Variants in BAHCC1 observed in about 807,000 individuals in gnomAD.
BAHCC1 encodes the protein BAH and coiled-coil domain-containing protein 1.
Under a neutral mutation model 88.2 loss-of-function variants are expected in BAHCC1, and 43 were observed. The observed-to-expected ratio is 0.49, with a 90% CI of 0.38 to 0.63. The LOEUF (loss-of-function observed/expected upper bound fraction) is 0.63. BAHCC1 is among the 20% of genes least tolerant of loss of function. BAHCC1 has a pLI of 0.00. For synonymous variants in BAHCC1, 1,510 were observed against 745.5 expected (o/e 2.03, Z -16.71); for missense variants, 3,023 against 1,654.8 (o/e 1.83, Z -14.34).
At chr17:81,414,973 G>A (rs1261010717) in intron 2 of BAHCC1, among the ~76,000 whole-genome samples, 5 of 152,204 alleles carry the variant, frequency 3.3e-5, no homozygotes, top group Non-Finnish European at 7.4e-5. Flanking sequence ...ATCCTCGCCA[G>A]CAGCTGTTAC....
At chr17:81,410,143 G>A in intron 2 of BAHCC1, 1 of 265,416 alleles carries the variant, frequency 3.8e-6, no homozygotes, top group Non-Finnish European at 8.1e-6. Context: ...CAGGAGCACT[G>A]TGGCCGTCCG....
chr17:81,399,858 C>T lies in BAHCC1; in HGVS notation c.119C>T (p.Pro40Leu), dbSNP rs1555645728. The change falls in exon 2 of 28, where the codon CCC becomes CTC. Residue 40 changes from proline to leucine, a missense_variant. Physicochemically the swap from Pro to Leu is moderately conservative, Grantham distance 98 (BLOSUM62 -3). Coordinates refer to ENST00000675386, the MANE Select transcript of BAHCC1 (RefSeq NM_001377448.1). The surrounding 1 kb of genome is among the most constrained non-coding windows in gnomAD (Gnocchi z 4.5). ...CCGGCTGGGCCCGCCGCGCAGCCCCCCGCACACTTCCAGCCGGGAAAGTAC... is the reference window on the plus strand; with the variant it reads ...CCGGCTGGGCCCGCCGCGCAGCCCCTCGCACACTTCCAGCCGGGAAAGTAC... The part of the protein sequence containing the change: ...LAPAGPAAQP[P>L]AHFQPGKYFP... 2.1e-6 allele frequency: 3 copies of T among 1,444,978 alleles called. No homozygotes were observed. In the African/African-American group the frequency reaches 4.5e-5, roughly 21 times the overall value. 89.5% of individuals were successfully genotyped at this position (1,444,978 alleles called of 1,614,324 possible).
At position 81,461,759 on chromosome 17, in the gene BAHCC1, G is replaced by A. The variant is rs782207435; in HGVS notation, c.7096G>A (p.Val2366Met). Residue 2366 changes from valine (V) to methionine (M), a missense_variant, in exon 26 of 28, where the codon GTG (valine) becomes ATG (methionine). By Grantham distance (21) the Val-to-Met change is conservative (BLOSUM62 1). Transcript: ENST00000675386. ...GCTGCAGACCTGCCTCACCCACCCC[G>A]TGCCCACCCTCCTGGCCCAGCCCGA... is the stretch of plus-strand genomic sequence containing the variant. ...LLLQTCLTHP[V>M]PTLLAQPEAL... The A allele has an allele frequency of 1.3e-5, 9 of 717,108 alleles. No homozygotes were observed. Among genetic ancestry groups the A allele is most frequent in the South Asian group, 5.9e-5 (4 of 67,370 alleles). 44.4% of individuals were successfully genotyped at this position (717,108 alleles called of 1,614,324 possible).
chr17:81,456,697 T>C, intron 16 of BAHCC1, 112 bp downstream of exon 16: 1 of 610,598 alleles, frequency 1.6e-6, no homozygotes. Flanking sequence ...TCATGGCTTG[T>C]GGGGTGTGAC....
At chr17:81,409,280 A>G (rs1461532992) in intron 2 of BAHCC1, among the ~76,000 whole-genome samples, 1 of 152,236 alleles carries the variant, frequency 6.6e-6, no homozygotes, top group African/African-American at 2.4e-5. Flanking sequence ...GTCAGAGCCC[A>G]GGGGATTGGC....
At chr17:81,447,967 G>A (rs2064565518) in intron 11 of BAHCC1, 119 bp downstream of exon 11, 5 of 657,814 alleles carry the variant, frequency 7.6e-6, no homozygotes, top group Non-Finnish European at 1.4e-5. Flanking sequence ...CCAAAGTGTG[G>A]TAGGTCCCCT....
rs948711367 is a variant in BAHCC1 at position 81,443,069 on chromosome 17, C to T, written c.1720C>T (p.Leu574=). 9.0e-6 allele frequency: 7 copies of T among 778,150 alleles called. No homozygotes were observed. Among genetic ancestry groups the T allele is most frequent in the Admixed American group, 3.4e-5 (2 of 59,004 alleles). 48.2% of individuals were successfully genotyped at this position (778,150 alleles called of 1,614,324 possible). A position where few individuals can be genotyped will look rare whatever the true frequency, so the allele number is the denominator to read the frequency against. Reference sequence around the variant, plus strand: ...GCGCAAGTCCCTGGAGCTGGCATCCCTGGGCTACAGTGGGCCCCACCTGCC... The same window carrying T: ...GCGCAAGTCCCTGGAGCTGGCATCCTTGGGCTACAGTGGGCCCCACCTGCC... ...AKRKSLELAS[L]GYSGPHLPPW... Residue 574 remains leucine, a synonymous_variant, in exon 5 of 28, where the codon CTG becomes TTG. Transcript: ENST00000675386.
Position 81,461,931 on chromosome 17 carries a change from C to T in BAHCC1, c.7268C>T (p.Ser2423Phe), listed in dbSNP as rs199694188. 5.3e-6 allele frequency: 4 copies of T among 759,532 alleles called. No individual in the cohort carries two copies. Among genetic ancestry groups the T allele is most frequent in the Middle Eastern group, 2.3e-4 (1 of 4,422 alleles). The allele number at this position is 759,532 out of a possible 1,614,324, so 47.0% of individuals were successfully genotyped here. A position where few individuals can be genotyped will look rare whatever the true frequency, so the allele number is the denominator to read the frequency against. ...KLKRKEALSFSKAKELSRRQR... is the reference protein window; with the variant it reads ...KLKRKEALSFFKAKELSRRQR... Reference sequence around the variant, plus strand: ...AAGCGCAAAGAGGCCCTGAGCTTCTCCAAAGCCAAAGAGCTCTCCCGGAGG... The same window carrying T: ...AAGCGCAAAGAGGCCCTGAGCTTCTTCAAAGCCAAAGAGCTCTCCCGGAGG... The change falls in exon 26 of 28, where the codon TCC becomes TTC. Residue 2423 changes from serine to phenylalanine, a missense_variant. Physicochemically the swap from Ser to Phe is radical, Grantham distance 155. Coordinates refer to ENST00000675386, the MANE Select transcript of BAHCC1 (RefSeq NM_001377448.1).
chr17:81,418,794 T>TGCGTGTGTGTGTGTGC (rs1568003282), intron 2 of BAHCC1, among the ~76,000 whole-genome samples: 1 of 18,632 alleles, frequency 5.4e-5, no homozygotes, highest in African/African-American at 1.5e-4. Context: ...TGTACGTGTG[T>TGCGTGTGTGTGTGTGC]GCGTGTGTGT....
chr17:81,400,457 C>T (rs1270913791), intron 2 of BAHCC1, among the ~76,000 whole-genome samples: 1 of 152,152 alleles, frequency 6.6e-6, no homozygotes, highest in Admixed American at 6.5e-5. Flanking sequence ...AGTGTCAGGG[C>T]GAGAATGGGT....
chr17:81,395,902 T>TGC (rs1555644853), intron 1 of BAHCC1: 1 of 152,210 alleles, frequency 6.6e-6, no homozygotes, highest in African/African-American at 2.4e-5. Context: ...AATGCATCCT[T>TGC]GCTTTGCTCT....
chr17:81,449,942 G>A (rs562875555), intron 11 of BAHCC1, among the ~76,000 whole-genome samples: 3 of 152,294 alleles, frequency 2.0e-5, no homozygotes, highest in African/African-American at 4.8e-5. Context: ...TGGGCGCTCA[G>A]GTCAGTGCCT....
Position 81,413,447 on chromosome 17 carries a change from C to T in BAHCC1, c.179-13353C>T, listed in dbSNP as rs1421195353. ...TCACCCCTCTTCCTCCCCCTTCTGT[C>T]TTCCCCCCACACCACACCACCGCCT... On this transcript the variant is annotated intron_variant, in intron 2 of 27. Coordinates refer to ENST00000675386, the MANE Select transcript of BAHCC1 (RefSeq NM_001377448.1). 2.0e-5 allele frequency among the ~76,000 whole-genome samples: 3 copies of T among 152,150 alleles called. No individual in the cohort carries two copies. The South Asian group carries it at 6.2e-4, about 32-fold the overall frequency.
At chr17:81,398,415 G>A (rs1555645262) in intron 1 of BAHCC1, among the ~76,000 whole-genome samples, 1 of 152,364 alleles carries the variant, frequency 6.6e-6, no homozygotes, top group South Asian at 2.1e-4. Context: ...CTGGCAGAAG[G>A]TTGTGCTGGG....
At chr17:81,428,661 C>A (rs991306325) in intron 3 of BAHCC1, among the ~76,000 whole-genome samples, 24 of 152,362 alleles carry the variant, frequency 1.6e-4, no homozygotes, top group African/African-American at 5.5e-4. Context: ...AGCCCCCGTC[C>A]CGCCCCTCTG....
chr17:81,428,931 G>A (rs963194992), intron 3 of BAHCC1, among the ~76,000 whole-genome samples: 89 of 152,378 alleles, frequency 5.8e-4, no homozygotes, highest in African/African-American at 1.9e-3. Context: ...AGCCCCTGGC[G>A]TCTGGGCCTC....
intron 2 of BAHCC1, among the ~76,000 whole-genome samples, chr17:81,420,568 C>T (rs916204531): frequency 6.6e-6 from 1 of 152,252 alleles, no homozygotes; most frequent in Non-Finnish European, 1.5e-5. Context: ...CCACAGCCCT[C>T]CTGGTGTTGC....
chr17:81,448,185 C>T (rs971163492), intron 11 of BAHCC1, among the ~76,000 whole-genome samples: 4 of 152,312 alleles, frequency 2.6e-5, no homozygotes, highest in Admixed American at 6.5e-5. Context: ...GAGAGCCTGC[C>T]GCCTGCCTCC....
chr17:81,413,051 G>T (rs1220467463), intron 2 of BAHCC1: 1 of 381,280 alleles, frequency 2.6e-6, no homozygotes, highest in Non-Finnish European at 5.3e-6. Context: ...ACGAGTCCAG[G>T]TCCCGCCCAC....
Sources: allele counts gnomAD v4.1 joint callset (sites outside exome capture counted in the v4.1 genomes callset), GRCh38; gene constraint gnomAD v4.1.1; non-coding constraint Gnocchi (gnomAD v3.1); transcripts MANE v1.5; gene names NCBI Gene and HGNC (gene_info 2026-07-23, HGNC 2026-07-21).